Variants in RBFOX1 observed in about 807,000 individuals in gnomAD.
RBFOX1 encodes the protein RNA binding fox-1 homolog 1, also known as RNA binding protein fox-1 homolog 1.
RBFOX1 carries 8 observed loss-of-function variants against 57.7 expected under a neutral mutation model. That is an observed-to-expected ratio of 0.14 (90% CI 0.08 to 0.25). RBFOX1 has a LOEUF of 0.25. Ranked by LOEUF, RBFOX1 falls within the 10% of genes least tolerant of loss-of-function variation. RBFOX1 has a pLI of 1.00. For synonymous variants in RBFOX1, 326 were observed against 222.4 expected (o/e 1.47, Z -4.15); for missense variants, 611 against 548.5 (o/e 1.11, Z -1.14).
At chr16:6,897,930 C>T (rs2067365646) in intron 3 of RBFOX1, among the ~76,000 whole-genome samples, 2 of 152,204 alleles carry the variant, frequency 1.3e-5, no homozygotes, top group Admixed American at 1.3e-4. Context: ...ACGAGCTACC[C>T]TCTGTGTCTC....
chr16:6,494,679 C>T (rs1228426483), intron 2 of RBFOX1, among the ~76,000 whole-genome samples: 1 of 152,222 alleles, frequency 6.6e-6, no homozygotes, highest in Non-Finnish European at 1.5e-5. Flanking sequence ...TTTCACTTCT[C>T]TGGCATAAAT....
At position 5,441,864 on chromosome 16, in the gene RBFOX1, T is replaced by C. The variant is rs115877919; in HGVS notation, c.220-25352T>C. On this transcript the variant is annotated intron_variant, in intron 1 of 2. Transcript: ENST00000585867. ...CTCACTCACTATCACGAAAAACAGA[T>C]AGGGGAAACTGACACCATGATTCAG... 5.4e-3 allele frequency among the ~76,000 whole-genome samples: 826 copies of C among 152,198 alleles called. 8 individuals are homozygous for C. Among genetic ancestry groups the C allele is most frequent in the African/African-American group, 0.019 (780 of 41,516 alleles).
intron 4 of RBFOX1, among the ~76,000 whole-genome samples, chr16:7,238,969 A>T (rs1386214646): frequency 6.6e-6 from 1 of 152,120 alleles, no homozygotes; most frequent in East Asian, 1.9e-4. Context: ...AAAGGACATG[A>T]TCTTGTTCTT....
intron 1 of RBFOX1, among the ~76,000 whole-genome samples, chr16:5,362,165 C>A (rs1480944761): frequency 6.6e-6 from 1 of 152,108 alleles, no homozygotes; most frequent in Non-Finnish European, 1.5e-5. Context: ...TGCAGCAGAT[C>A]TCTAGAACTT....
exon 3 of RBFOX1, chr16:5,599,090 A>G: frequency 1.1e-6 from 1 of 915,918 alleles, no homozygotes; most frequent in Non-Finnish European, 1.7e-6. Flanking sequence ...CTGGAGAATT[A>G]ACTGGGTTTG....
chr16:5,410,767 G>A (rs193083673), intron 1 of RBFOX1, among the ~76,000 whole-genome samples: 4 of 130,688 alleles, frequency 3.1e-5, no homozygotes, highest in Admixed American at 3.0e-4. Flanking sequence ...ACAATGCCCT[G>A]TCCTCTCCTT....
At chr16:6,792,876 A>T (rs542627418) in intron 3 of RBFOX1, among the ~76,000 whole-genome samples, 40 of 151,966 alleles carry the variant, frequency 2.6e-4, no homozygotes, top group Non-Finnish European at 5.1e-4. Flanking sequence ...TAAAAATACA[A>T]AAAATTAGCT....
chr16:6,019,186 T>C lies in RBFOX1; in HGVS notation c.-933T>C. On this transcript the variant is annotated 5_prime_UTR_variant, in exon 1 of 16. Transcript: ENST00000550418. The surrounding 1 kb of genome is among the most constrained non-coding windows in gnomAD (Gnocchi z 4.2). ...ATATTTTTACTGGAAGATTTCCTCT[T>C]TATTCTCTCCCGCCCTCCTACAAGC... 1 of 985,292 alleles carries C rather than the reference T, an allele frequency of 1.0e-6. No individual in the cohort carries two copies. Among genetic ancestry groups the C allele is most frequent in the South Asian group, 4.7e-5 (1 of 21,254 alleles). 61.0% of individuals were successfully genotyped at this position (985,292 alleles called of 1,614,324 possible).
chr16:7,676,636 T>G, intron 13 of RBFOX1, 138 bp from the exon 14 acceptor site: 1 of 721,222 alleles, frequency 1.4e-6, no homozygotes, highest in Admixed American at 2.3e-5. Context: ...GTATTTTCGC[T>G]TTGATACTAA....
At chr16:5,318,802 C>T (rs957717687) in intron 1 of RBFOX1, among the ~76,000 whole-genome samples, 2 of 152,062 alleles carry the variant, frequency 1.3e-5, no homozygotes, top group African/African-American at 4.8e-5. Flanking sequence ...GGAGATATTC[C>T]AGGTGGGCCT....
In RBFOX1 at chr16:7,666,835, G is replaced by T. The variant is rs575830223; in HGVS notation, c.930+1867G>T. Among the ~76,000 whole-genome samples, 3 of 152,306 alleles carry T rather than the reference G, an allele frequency of 2.0e-5. No homozygotes were observed. The South Asian group carries it at 6.2e-4, about 32-fold the overall frequency. On this transcript the variant is annotated intron_variant, in intron 13 of 15. Coordinates refer to ENST00000550418, the MANE Select transcript of RBFOX1 (RefSeq NM_018723.4). ...CTTTGTGCTTTTCTAGTTCCTTTAG[G>T]AGATTTTGTCTCTCACACATTCATC...
chr16:7,054,234 T>C (rs1188161676), intron 4 of RBFOX1, among the ~76,000 whole-genome samples: 6 of 28,382 alleles, frequency 2.1e-4, no homozygotes, highest in Non-Finnish European at 2.8e-4. Flanking sequence ...GGCGGGGAGC[T>C]TTTTTTTTTT....
At chr16:6,994,922 G>A (rs1568278711) in intron 3 of RBFOX1, among the ~76,000 whole-genome samples, 1 of 150,972 alleles carries the variant, frequency 6.6e-6, no homozygotes, top group Non-Finnish European at 1.5e-5. Flanking sequence ...ATCCCTGATT[G>A]GGCATGTGAT....
At chr16:7,266,895 G>A (rs2095164503) in intron 4 of RBFOX1, among the ~76,000 whole-genome samples, 1 of 152,066 alleles carries the variant, frequency 6.6e-6, no homozygotes. Context: ...TGAGTGGTGT[G>A]GAAGCACTCC....
At chr16:5,811,799 T>C (rs768722639) in intron 3 of RBFOX1, among the ~76,000 whole-genome samples, 1 of 152,196 alleles carries the variant, frequency 6.6e-6, no homozygotes, top group Non-Finnish European at 1.5e-5. Flanking sequence ...CGTGCTATAA[T>C]ATTCACCTAT....
chr16:5,939,034 T>A (rs2059227192), intron 4 of RBFOX1, among the ~76,000 whole-genome samples: 1 of 152,014 alleles, frequency 6.6e-6, no homozygotes, highest in African/African-American at 2.4e-5. Flanking sequence ...TAGGTGGGAA[T>A]TGAACAATGA....
chr16:5,690,006 G>A (rs4786754), intron 3 of RBFOX1, among the ~76,000 whole-genome samples: 13 of 151,964 alleles, frequency 8.6e-5, no homozygotes, highest in South Asian at 2.1e-4. Context: ...CAGCAATTGC[G>A]TAAACTTTGC....
At chr16:7,180,765 A>C in intron 4 of RBFOX1, among the ~76,000 whole-genome samples, 1 of 151,536 alleles carries the variant, frequency 6.6e-6, no homozygotes, top group East Asian at 1.9e-4. Context: ...GAAAATATTT[A>C]GGCAAAATAT....
At chr16:5,782,399 C>T (rs1004785189) in intron 3 of RBFOX1, among the ~76,000 whole-genome samples, 1 of 152,126 alleles carries the variant, frequency 6.6e-6, no homozygotes, top group Non-Finnish European at 1.5e-5. Context: ...CAGTCAAGCT[C>T]TTTTATAATG....
Sources: allele counts gnomAD v4.1 joint callset (sites outside exome capture counted in the v4.1 genomes callset), GRCh38; gene constraint gnomAD v4.1.1; non-coding constraint Gnocchi (gnomAD v3.1); transcripts MANE v1.5; gene names NCBI Gene and HGNC (gene_info 2026-07-23, HGNC 2026-07-21).